The following SND1 variants were observed in gnomAD, a reference collection of about 807,000 sequenced individuals.
SND1 encodes the protein staphylococcal nuclease and tudor domain containing 1.
Under a neutral mutation model 121.7 loss-of-function variants are expected in SND1, and 38 were observed. The ratio of observed to expected loss-of-function variants is 0.31; its 90% CI spans 0.24 to 0.41. The LOEUF (loss-of-function observed/expected upper bound fraction) is 0.41, where lower values mean the gene tolerates loss of function less well. Among genes scored for constraint, SND1 ranks in the 10% least tolerant of loss-of-function variants. The probability of loss-of-function intolerance (pLI) is 1.00; values close to 1 mark genes in which losing one functional copy is unlikely to be tolerated. For synonymous variants in SND1, 401 were observed against 447.4 expected (o/e 0.90, Z 1.31); for missense variants, 868 against 1,184.6 (o/e 0.73, Z 3.92).
chr7:127,735,254 A>C (rs1318933260), intron 10 of SND1, among the ~76,000 whole-genome samples: 2 of 152,092 alleles, frequency 1.3e-5, no homozygotes, highest in African/African-American at 4.8e-5. Flanking sequence ...CTTAGTATTG[A>C]GTGGACTTCT....
Position 127,695,709 on chromosome 7 carries a change from G to A in SND1, c.349+761G>A, listed in dbSNP as rs112023421. Among the ~76,000 whole-genome samples, 442 of 152,210 alleles carry A rather than the reference G, an allele frequency of 2.9e-3. 2 individuals are homozygous for A. The highest frequency in any genetic ancestry group is 9.4e-3 in the African/African-American group (389 of 41,532). ...GGCGTGGTGGCGCACGCCTGTAGTCGTAGCTACTCGGGAGGCTGAGGTGGG... is the reference window on the plus strand; with the variant it reads ...GGCGTGGTGGCGCACGCCTGTAGTCATAGCTACTCGGGAGGCTGAGGTGGG... On this transcript the variant is annotated intron_variant, in intron 3 of 23. Coordinates refer to ENST00000354725, the MANE Select transcript of SND1 (RefSeq NM_014390.4).
At chr7:127,730,851 G>T (rs1796662213) in intron 10 of SND1, among the ~76,000 whole-genome samples, 1 of 152,216 alleles carries the variant, frequency 6.6e-6, no homozygotes. Flanking sequence ...AGAATATGCT[G>T]ACACTTGGCT....
intron 6 of SND1, 53 bp from the exon 7 acceptor site, chr7:127,703,112 G>A: frequency 1.2e-6 from 2 of 1,604,680 alleles, no homozygotes; most frequent in Non-Finnish European, 1.7e-6. Flanking sequence ...GGGCGAGAGT[G>A]CCTAGCACTC....
At chr7:127,836,546 G>A (rs1301334588) in intron 11 of SND1, among the ~76,000 whole-genome samples, 1 of 152,098 alleles carries the variant, frequency 6.6e-6, no homozygotes, top group Admixed American at 6.5e-5. Context: ...TTTTCTGAAC[G>A]TATTTATAAA....
At chr7:127,794,374 A>T (rs760680598) in intron 10 of SND1, among the ~76,000 whole-genome samples, 1 of 152,202 alleles carries the variant, frequency 6.6e-6, no homozygotes, top group Non-Finnish European at 1.5e-5. Context: ...TCATTGCACA[A>T]ATTTGACTGG....
intron 16 of SND1, among the ~76,000 whole-genome samples, chr7:128,016,207 T>C (rs1472346002): frequency 6.7e-6 from 1 of 149,512 alleles, no homozygotes; most frequent in Non-Finnish European, 1.5e-5. Context: ...GGTCTCAAAC[T>C]CTTGGATTCA....
At chr7:128,031,862 G>A (rs1045438591) in intron 16 of SND1, among the ~76,000 whole-genome samples, 1 of 150,228 alleles carries the variant, frequency 6.7e-6, no homozygotes, top group Non-Finnish European at 1.5e-5. Context: ...TTCGGCTCCC[G>A]GCGCCCTCAG....
intron 10 of SND1, among the ~76,000 whole-genome samples, chr7:127,741,847 T>G (rs1204796450): frequency 4.6e-4 from 70 of 152,308 alleles, no homozygotes; most frequent in Non-Finnish European, 2.9e-5. Context: ...GTTAATCCCC[T>G]CAGTGTTTCC....
intron 16 of SND1, among the ~76,000 whole-genome samples, chr7:128,061,187 G>C (rs183764917): frequency 3.9e-5 from 6 of 152,344 alleles, no homozygotes; most frequent in Admixed American, 2.6e-4. Flanking sequence ...GAAGTGGAGA[G>C]AGAACAATAA....
intron 11 of SND1, among the ~76,000 whole-genome samples, chr7:127,817,255 G>A (rs1041172176): frequency 2.6e-5 from 4 of 152,208 alleles, no homozygotes; most frequent in Admixed American, 2.6e-4. Flanking sequence ...AAATATTAAT[G>A]CGAAGTGTAC....
chr7:127,777,491 G>A (rs1797642965), intron 10 of SND1, among the ~76,000 whole-genome samples: 1 of 152,190 alleles, frequency 6.6e-6, no homozygotes, highest in Non-Finnish European at 1.5e-5. Context: ...ATAAATTGAA[G>A]AGGAAGTTTG....
intron 15 of SND1, among the ~76,000 whole-genome samples, chr7:127,962,334 C>T (rs539314013): frequency 6.6e-6 from 1 of 152,276 alleles, no homozygotes; most frequent in South Asian, 2.1e-4. Flanking sequence ...TGAGGCTGAA[C>T]AAAACCAGGT....
intron 16 of SND1, chr7:127,998,009 C>T: frequency 1.9e-6 from 1 of 527,042 alleles, no homozygotes; most frequent in South Asian, 1.4e-5. Flanking sequence ...ATCTATGACC[C>T]AAGTCTCTCC....
At chr7:127,866,659 A>C (rs1327840714) in intron 12 of SND1, among the ~76,000 whole-genome samples, 3 of 152,096 alleles carry the variant, frequency 2.0e-5, no homozygotes, top group Non-Finnish European at 4.4e-5. Flanking sequence ...ATACTCCTGG[A>C]TTAATTTTCC....
At chr7:128,066,803 A>T (rs1272566637) in intron 16 of SND1, among the ~76,000 whole-genome samples, 3 of 152,156 alleles carry the variant, frequency 2.0e-5, no homozygotes, top group Non-Finnish European at 2.9e-5. Flanking sequence ...GATGGTAGAA[A>T]ACCCAGCCTT....
Position 127,858,764 on chromosome 7 carries a change from A to G in SND1, c.1343+14340A>G, listed in dbSNP as rs114279331. Among the ~76,000 whole-genome samples the G allele has an allele frequency of 5.9e-3, 895 of 152,332 alleles. 16 individuals carry two copies. Among genetic ancestry groups the G allele is most frequent in the African/African-American group, 0.021 (853 of 41,568 alleles). ...CTTATTTTGACCTTCTACCCTAAAA[A>G]GCAACATGTGCTGAAACAAGTATCT... is the stretch of plus-strand genomic sequence containing the variant. On this transcript the variant is annotated intron_variant, in intron 12 of 23. Coordinates refer to ENST00000354725, the MANE Select transcript of SND1 (RefSeq NM_014390.4).
At chr7:128,019,506 C>T (rs1293704865) in intron 16 of SND1, among the ~76,000 whole-genome samples, 6 of 152,166 alleles carry the variant, frequency 3.9e-5, no homozygotes, top group East Asian at 3.9e-4. Context: ...CAGAAATTGC[C>T]GCTCCTTAAT....
chr7:127,966,243 CA>C, intron 15 of SND1, among the ~76,000 whole-genome samples: 1 of 151,868 alleles, frequency 6.6e-6, no homozygotes, highest in East Asian at 1.9e-4. Flanking sequence ...GACTCCCACA[CA>C]TTAATAATGG....
At chr7:127,668,540 A>G (rs1248062007) in intron 1 of SND1, among the ~76,000 whole-genome samples, 2 of 152,216 alleles carry the variant, frequency 1.3e-5, no homozygotes, top group Non-Finnish European at 2.9e-5. Flanking sequence ...GACCAGGAAA[A>G]AATAAGTATT....
Sources: allele counts gnomAD v4.1 joint callset (sites outside exome capture counted in the v4.1 genomes callset), GRCh38; gene constraint gnomAD v4.1.1; transcripts MANE v1.5; gene names NCBI Gene and HGNC (gene_info 2026-07-23, HGNC 2026-07-21).